The following ESRRG variants were observed in gnomAD, a reference collection of about 807,000 sequenced individuals.
ESRRG encodes estrogen related receptor gamma.
ESRRG carries 13 observed loss-of-function variants against 44.0 expected under a neutral mutation model. The observed-to-expected ratio is 0.30, with a 90% CI of 0.19 to 0.47. The LOEUF (loss-of-function observed/expected upper bound fraction) is 0.47, where lower values mean the gene tolerates loss of function less well. ESRRG is among the 20% of genes least tolerant of loss of function. ESRRG has a pLI of 1.00. For missense variants in ESRRG, 395 were observed against 580.6 expected (o/e 0.68, Z 3.29); for synonymous variants, 215 against 214.6 (o/e 1.00, Z -0.02).
At chr1:216,707,854 G>T (rs2082748453) in intron 1 of ESRRG, among the ~76,000 whole-genome samples, 1 of 152,020 alleles carries the variant, frequency 6.6e-6, no homozygotes. Context: ...CCAGAGAGTT[G>T]GTTATATGGA....
chr1:217,016,634 A>G (rs2079425691), intron 1 of ESRRG, among the ~76,000 whole-genome samples: 1 of 152,202 alleles, frequency 6.6e-6, no homozygotes, highest in African/African-American at 2.4e-5. Flanking sequence ...TGTTCCCAGT[A>G]GTCACATACT....
At chr1:216,793,818 C>A (rs1355893777) in intron 2 of ESRRG, among the ~76,000 whole-genome samples, 1 of 152,086 alleles carries the variant, frequency 6.6e-6, no homozygotes, top group Non-Finnish European at 1.5e-5. Context: ...ACATCTTATT[C>A]ATCTACAGGT....
intron 1 of ESRRG, among the ~76,000 whole-genome samples, chr1:216,983,378 T>C (rs1330048696): frequency 1.3e-5 from 2 of 151,958 alleles, no homozygotes; most frequent in African/African-American, 4.8e-5. Context: ...ACTATAGGCA[T>C]GCGCCACCAC....
At chr1:216,570,684 T>A (rs1370052133) in intron 3 of ESRRG, among the ~76,000 whole-genome samples, 1 of 152,172 alleles carries the variant, frequency 6.6e-6, no homozygotes, top group Non-Finnish European at 1.5e-5. Flanking sequence ...TGAGAACATT[T>A]AATCTGATAT....
chr1:216,813,547 G>T (rs1263934969), intron 2 of ESRRG, among the ~76,000 whole-genome samples: 1 of 152,136 alleles, frequency 6.6e-6, no homozygotes, highest in South Asian at 2.1e-4. Flanking sequence ...AGGGTGGCAA[G>T]AACATATATT....
intron 2 of ESRRG, among the ~76,000 whole-genome samples, chr1:216,914,536 GA>G (rs960524081): frequency 6.6e-6 from 1 of 151,740 alleles, no homozygotes; most frequent in African/African-American, 2.4e-5. Context: ...ATCTCAGTAT[GA>G]AAAAAAAGAC....
intron 2 of ESRRG, among the ~76,000 whole-genome samples, chr1:216,853,627 T>TTCA (rs777723340): frequency 6.6e-6 from 1 of 152,136 alleles, no homozygotes; most frequent in East Asian, 1.9e-4. Flanking sequence ...ACTCAGTGTA[T>TTCA]CCACCCATCA....
chr1:216,711,195 A>G (rs1359173548), intron 1 of ESRRG, among the ~76,000 whole-genome samples: 16 of 152,158 alleles, frequency 1.1e-4, no homozygotes, highest in Admixed American at 1.0e-3. Context: ...TGGCCACTGC[A>G]GGACAGCTCC....
chr1:217,105,195 C>A (rs544465411), intron 1 of ESRRG, among the ~76,000 whole-genome samples: 1 of 152,222 alleles, frequency 6.6e-6, no homozygotes, highest in East Asian at 1.9e-4. Context: ...TGACTGGTAT[C>A]CTAACTTCAA....
At chr1:217,100,156 T>C (rs1479749634) in intron 1 of ESRRG, among the ~76,000 whole-genome samples, 1 of 152,236 alleles carries the variant, frequency 6.6e-6, no homozygotes, top group Non-Finnish European at 1.5e-5. Flanking sequence ...ATTCTGGGAA[T>C]TCCTCTTTTA....
intron 1 of ESRRG, among the ~76,000 whole-genome samples, chr1:217,056,037 T>C (rs544218298): frequency 6.6e-6 from 1 of 152,314 alleles, no homozygotes; most frequent in South Asian, 2.1e-4. Flanking sequence ...GATGGAACTC[T>C]GGCCAATGGA....
chr1:216,774,463 TCA>T (rs1449540628), intron 2 of ESRRG, among the ~76,000 whole-genome samples: 27 of 152,248 alleles, frequency 1.8e-4, no homozygotes, highest in African/African-American at 6.3e-4. Flanking sequence ...TGTACATCAG[TCA>T]TGCTGTGCTA....
At chr1:216,765,382 G>GCTCA (rs1202828510) in intron 2 of ESRRG, among the ~76,000 whole-genome samples, 9 of 151,996 alleles carry the variant, frequency 5.9e-5, no homozygotes. Context: ...GTTGTTGGAT[G>GCTCA]CTCACAACAG....
chr1:217,115,906 T>A (rs1309627477), intron 1 of ESRRG, among the ~76,000 whole-genome samples: 1 of 152,096 alleles, frequency 6.6e-6, no homozygotes, highest in Non-Finnish European at 1.5e-5. Flanking sequence ...CCCAGAACAG[T>A]TCCTGATACG....
At chr1:216,722,560 G>A (rs919100359) in intron 1 of ESRRG, among the ~76,000 whole-genome samples, 70 of 152,216 alleles carry the variant, frequency 4.6e-4, no homozygotes, top group South Asian at 1.9e-3. Context: ...CAGTATTTAA[G>A]GGGAAAATTT....
intron 2 of ESRRG, among the ~76,000 whole-genome samples, chr1:216,789,192 G>C (rs1410992552): frequency 1.3e-5 from 2 of 152,132 alleles, no homozygotes; most frequent in African/African-American, 4.8e-5. Flanking sequence ...AGCATTGCAT[G>C]CAACAGAGAA....
At chr1:216,669,162 T>G (rs1416613) in intron 2 of ESRRG, among the ~76,000 whole-genome samples, 107,853 of 151,914 alleles carry the variant, frequency 0.71, 40,338 homozygotes, top group Non-Finnish European at 0.82. Flanking sequence ...CAGATCCTGA[T>G]ATATGTGATA....
chr1:217,064,853 T>G (rs550039562), intron 1 of ESRRG, among the ~76,000 whole-genome samples: 18 of 152,294 alleles, frequency 1.2e-4, no homozygotes, highest in African/African-American at 4.3e-4. Flanking sequence ...CCTACCCTGG[T>G]TATGCTAGAC....
At chr1:217,093,737 C>T (rs1019651053), upstream of ESRRG, among the ~76,000 whole-genome samples, 5 of 151,384 alleles carry the variant, frequency 3.3e-5, no homozygotes, top group South Asian at 2.1e-4. Context: ...AAGCGGTGAT[C>T]GCACCACTGC....
Sources: gnomAD v4.1 joint callset for allele counts (sites outside exome capture counted in the v4.1 genomes callset) on GRCh38, gnomAD v4.1.1 for gene constraint, MANE v1.5 for transcripts, NCBI Gene and HGNC (gene_info 2026-07-23, HGNC 2026-07-21) for gene names.